RBFOX3: variants seen among roughly 807,000 people sequenced by gnomAD.
RBFOX3 encodes RNA binding fox-1 homolog 3, also known as RNA binding protein fox-1 homolog 3.
A neutral mutation model predicts 48.7 loss-of-function variants in RBFOX3; 17 were observed. The ratio of observed to expected loss-of-function variants is 0.35; its 90% CI spans 0.24 to 0.52. The LOEUF (loss-of-function observed/expected upper bound fraction) is 0.52. Ranked by LOEUF, RBFOX3 falls within the 20% of genes least tolerant of loss-of-function variation. The pLI, the probability that RBFOX3 is intolerant of heterozygous loss-of-function variation, is 0.94. For synonymous variants in RBFOX3, 212 were observed against 209.5 expected (o/e 1.01, Z -0.10); for missense variants, 382 against 497.5 (o/e 0.77, Z 2.21).
intron 2 of RBFOX3, among the ~76,000 whole-genome samples, chr17:79,349,706 C>T (rs980959371): frequency 1.6e-4 from 24 of 152,122 alleles, no homozygotes; most frequent in Non-Finnish European, 4.4e-5. Flanking sequence ...GGGGCTCAGC[C>T]CAGCCCTGGA....
the RBFOX3 span, among the ~76,000 whole-genome samples, chr17:79,618,709 C>T: frequency 1.3e-5 from 2 of 152,158 alleles, no homozygotes; most frequent in South Asian, 2.1e-4. Context: ...TCTGGATACG[C>T]GCTGGAAAAA....
chr17:79,269,544 A>G (rs2143579318), intron 3 of RBFOX3, among the ~76,000 whole-genome samples: 1 of 151,732 alleles, frequency 6.6e-6, no homozygotes. Flanking sequence ...CACCTTCTCT[A>G]TTGTCACCTG....
intron 1 of RBFOX3, among the ~76,000 whole-genome samples, chr17:79,505,524 C>T (rs2082983266): frequency 6.6e-6 from 1 of 152,230 alleles, no homozygotes; most frequent in African/African-American, 2.4e-5. Flanking sequence ...CTTCTGTCTC[C>T]TTCACCTCCC....
chr17:79,202,926 T>C (rs897914913), intron 4 of RBFOX3, among the ~76,000 whole-genome samples: 3 of 152,160 alleles, frequency 2.0e-5, no homozygotes, highest in African/African-American at 7.2e-5. Flanking sequence ...CCCGAGGGGC[T>C]AAGCCCCCAG....
At chr17:79,173,841 G>A (rs2049919073) in intron 4 of RBFOX3, among the ~76,000 whole-genome samples, 1 of 151,154 alleles carries the variant, frequency 6.6e-6, no homozygotes, top group Middle Eastern at 3.4e-3. Flanking sequence ...GACTCTCCAT[G>A]GGTCATTCTG....
At chr17:79,267,750 G>A (rs1026102872) in intron 3 of RBFOX3, among the ~76,000 whole-genome samples, 2 of 152,162 alleles carry the variant, frequency 1.3e-5, no homozygotes, top group East Asian at 3.9e-4. Flanking sequence ...CTGGGACCTT[G>A]GCTGACACCA....
At chr17:79,259,978 G>A (rs1383912952) in intron 3 of RBFOX3, among the ~76,000 whole-genome samples, 1 of 152,104 alleles carries the variant, frequency 6.6e-6, no homozygotes, top group Non-Finnish European at 1.5e-5. Context: ...GCCAGATGCT[G>A]AGCCCCTTCC....
At chr17:79,329,620 C>T (rs1249269243) in intron 2 of RBFOX3, among the ~76,000 whole-genome samples, 2 of 152,148 alleles carry the variant, frequency 1.3e-5, no homozygotes, top group Non-Finnish European at 2.9e-5. Context: ...CTGAGCAATA[C>T]CCTCTGGTCC....
At chr17:79,095,442 C>T in intron 13 of RBFOX3, 71 bp downstream of exon 13, 1 of 1,407,790 alleles carries the variant, frequency 7.1e-7, no homozygotes, top group Non-Finnish European at 9.7e-7. Flanking sequence ...CTGTCTGGGC[C>T]CAGCTCCCCA....
chr17:79,160,977 T>C (rs2046853442), intron 4 of RBFOX3, among the ~76,000 whole-genome samples: 3 of 110,296 alleles, frequency 2.7e-5, no homozygotes, highest in African/African-American at 9.7e-5. Context: ...CGAGACTCCA[T>C]CTCAAAAAAA....
chr17:79,580,067 C>G, intron 1 of RBFOX3, among the ~76,000 whole-genome samples: 1 of 152,180 alleles, frequency 6.6e-6, no homozygotes, highest in South Asian at 2.1e-4. Flanking sequence ...TCCGAGGTAA[C>G]TGCACCTGGT....
chr17:79,402,012 C>A (rs1042724409), intron 2 of RBFOX3, among the ~76,000 whole-genome samples: 1 of 152,236 alleles, frequency 6.6e-6, no homozygotes, highest in Non-Finnish European at 1.5e-5. Flanking sequence ...AGAGCAGCCA[C>A]CTGGGAGTCA....
chr17:79,232,184 T>C (rs999680131), intron 4 of RBFOX3, among the ~76,000 whole-genome samples: 2 of 152,324 alleles, frequency 1.3e-5, no homozygotes, highest in East Asian at 3.9e-4. Context: ...CGAGGTGAGA[T>C]GGGCATATCA....
At chr17:79,292,104 G>T (rs564248503) in intron 3 of RBFOX3, among the ~76,000 whole-genome samples, 1 of 152,102 alleles carries the variant, frequency 6.6e-6, no homozygotes, top group Non-Finnish European at 1.5e-5. Flanking sequence ...TTTTGGGGTT[G>T]CTCTGAATTA....
At chr17:79,157,147 C>T (rs2045989204) in intron 4 of RBFOX3, among the ~76,000 whole-genome samples, 1 of 152,180 alleles carries the variant, frequency 6.6e-6, no homozygotes, top group African/African-American at 2.4e-5. Flanking sequence ...CTGACACCTC[C>T]CTGCTCTCTC....
At chr17:79,611,314 T>TG (rs1175770773), upstream of RBFOX3, among the ~76,000 whole-genome samples, 31,604 of 150,702 alleles carry the variant, frequency 0.21, 7,054 homozygotes, top group African/African-American at 0.57. Flanking sequence ...GCGCGCGGCA[T>TG]GGGAGGGGGC....
At chr17:79,157,679 G>T (rs1425775102) in intron 4 of RBFOX3, among the ~76,000 whole-genome samples, 2 of 152,154 alleles carry the variant, frequency 1.3e-5, no homozygotes, top group African/African-American at 4.8e-5. Flanking sequence ...GGGGGACAGA[G>T]GCCAGGGCAT....
At position 79,363,641 on chromosome 17, in the gene RBFOX3, C is replaced by T. The variant is rs925595487; in HGVS notation, c.-174-55817G>A. ...GGCCCAATCGAAGATCTAGGGCCTT[C>T]GATTCCCTCCTTTCCTTGATGCCAG... On this transcript the variant is annotated intron_variant, in intron 2 of 14. Coordinates refer to ENST00000693108, the MANE Select transcript of RBFOX3 (RefSeq NM_001350451.2). This position sits in a 1 kb window ranked among gnomAD's most constrained non-coding sequence, Gnocchi z 4.7. 2.6e-5 allele frequency among the ~76,000 whole-genome samples: 4 copies of T among 151,952 alleles called. No individual in the cohort carries two copies. The highest frequency in any genetic ancestry group is 2.6e-4 in the Admixed American group (4 of 15,260).
chr17:79,128,451 G>A (rs908445033), intron 4 of RBFOX3, among the ~76,000 whole-genome samples: 1 of 152,184 alleles, frequency 6.6e-6, no homozygotes, highest in Non-Finnish European at 1.5e-5. Flanking sequence ...ACAGGTGGCA[G>A]GGGGACAGGA....
Sources: gnomAD v4.1 joint callset for allele counts (sites outside exome capture counted in the v4.1 genomes callset) on GRCh38, gnomAD v4.1.1 for gene constraint, Gnocchi (gnomAD v3.1) non-coding constraint, MANE v1.5 for transcripts, NCBI Gene and HGNC (gene_info 2026-07-23, HGNC 2026-07-21) for gene names.